Variants in TSPAN1 observed in about 807,000 individuals in gnomAD.
TSPAN1 encodes the protein tetraspanin-1.
In TSPAN1, 23 loss-of-function variants were observed where a neutral mutation model predicts 26.9. The observed-to-expected ratio is 0.85, with a 90% CI of 0.62 to 1.21. TSPAN1 has a LOEUF of 1.21. Among genes scored for constraint, TSPAN1 ranks in the 50% most tolerant of loss-of-function variants. The pLI, the probability that TSPAN1 is intolerant of heterozygous loss-of-function variation, is 0.00. For missense variants in TSPAN1, 283 were observed against 298.4 expected (o/e 0.95, Z 0.38); for synonymous variants, 115 against 114.8 (o/e 1.00, Z -0.01).
intron 3 of TSPAN1, 147 bp downstream of exon 3, chr1:46,181,311 C>A: frequency 1.3e-6 from 1 of 768,670 alleles, no homozygotes. Context: ...AAGGTCTCCC[C>A]AAATGCTGCT....
chr1:46,192,107 G>C, the TSPAN1 span: 1 of 1,613,902 alleles, frequency 6.2e-7, no homozygotes. Context: ...CGTGAAAGTA[G>C]CCATTCATGT....
the TSPAN1 span, chr1:46,195,397 C>A: frequency 5.3e-6 from 2 of 374,446 alleles, no homozygotes; most frequent in South Asian, 4.4e-5. Context: ...CAGCTTTCTG[C>A]TCACATATCA....
chr1:46,182,457 C>CCCAGCA lies in TSPAN1; in HGVS notation c.57+1295_57+1300dup, dbSNP rs557877214. ...AGGTGCAGTAGCTCACAACTGTAATCCCAGCACTCTGGGAAGCTGAGGCGG... is the reference window on the plus strand; with the variant it reads ...AGGTGCAGTAGCTCACAACTGTAATCCCAGCACCAGCACTCTGGGAAGCTGAGGCGG... On this transcript the variant is annotated intron_variant, in intron 3 of 8. Transcript: ENST00000372003. 5.9e-4 allele frequency among the ~76,000 whole-genome samples: 90 copies of CCCAGCA among 152,028 alleles called. 1 individual carries two copies. In the East Asian group the frequency reaches 0.012, roughly 20 times the overall value.
At chr1:46,190,665 G>C, downstream of TSPAN1, 1 of 1,557,506 alleles carries the variant, frequency 6.4e-7, no homozygotes, top group Non-Finnish European at 8.8e-7. Flanking sequence ...GACTTTCAGG[G>C]ACTGGCCTCC....
chr1:46,186,606 C>T (rs530190356), downstream of TSPAN1, among the ~76,000 whole-genome samples: 5 of 149,396 alleles, frequency 3.3e-5, no homozygotes, highest in African/African-American at 9.9e-5. Flanking sequence ...TCTCCTGCCT[C>T]AGCCTCCTGA....
At chr1:46,191,949 T>G in the TSPAN1 span, 1 of 1,308,724 alleles carries the variant, frequency 7.6e-7, no homozygotes, top group South Asian at 1.3e-5. Context: ...TCCTCATTTT[T>G]CAGATAAAGA....
At chr1:46,186,664 GTTTTTT>G (rs759573351), downstream of TSPAN1, among the ~76,000 whole-genome samples, 1 of 71,830 alleles carries the variant, frequency 1.4e-5, no homozygotes, top group Non-Finnish European at 2.6e-5. Context: ...TAATTTTTGT[GTTTTTT>G]TTTTTTTTTT....
downstream of TSPAN1, among the ~76,000 whole-genome samples, chr1:46,186,649 C>T (rs367550411): frequency 5.0e-4 from 74 of 148,334 alleles, no homozygotes; most frequent in East Asian, 5.4e-3. Context: ...GCCACCATGC[C>T]CGGCTAATTT....
At position 46,181,111 on chromosome 1, in the gene TSPAN1, C is replaced by T. The variant is rs1348641527; in HGVS notation, c.4C>T (p.Gln2Ter). The change falls in exon 3 of 9, where the codon CAG becomes TAG. Residue 2 changes from glutamine (Q) to a stop codon, truncating the protein, a stop_gained. Coordinates refer to ENST00000372003, the MANE Select transcript of TSPAN1 (RefSeq NM_005727.4). LOFTEE classifies it high-confidence loss of function. The part of the protein sequence containing the change: M[Q>*]CFSFIKTMMI... ...TGTCTACCTCCCAGGAGCCACCATG[C>T]AGTGCTTCAGCTTCATTAAGACCAT... 3 of 1,613,884 alleles carry T rather than the reference C, an allele frequency of 1.9e-6. No homozygotes were observed. Among genetic ancestry groups the T allele is most frequent in the East Asian group, 2.2e-5 (1 of 44,882 alleles).
Position 46,181,164 on chromosome 1 carries a change from T to C in TSPAN1, c.57T>C (p.Phe19=). ...TMMILFNLLI[F]LCGAALLAVG... ...TGATCCTCTTCAATTTGCTCATCTT[T>C]GTAAGTACGGACATTGTGGACTCTT... Residue 19 remains phenylalanine (F), a splice_region_variant and synonymous_variant, in exon 3 of 9, where the codon TTT becomes TTC. Transcript: ENST00000372003. 6.2e-7 allele frequency: 1 copy of C among 1,613,184 alleles called. No individual in the cohort carries two copies. The highest frequency in any genetic ancestry group is 8.5e-7 in the Non-Finnish European group (1 of 1,179,558).
Position 46,184,398 on chromosome 1 carries a change from G to C in TSPAN1, c.264+1G>C. ...TGAGAGCAAGTGTGCCCTCGTGACG[G>C]TGTGTGAAACCCAGCTCCACAGGCT... is the stretch of plus-strand genomic sequence containing the variant. On this transcript the variant is annotated splice_donor_variant, in intron 4 of 8. Coordinates refer to ENST00000372003, the MANE Select transcript of TSPAN1 (RefSeq NM_005727.4). LOFTEE classifies it high-confidence loss of function. The C allele has an allele frequency of 1.2e-6, 2 of 1,614,052 alleles. No homozygotes were observed. Among genetic ancestry groups the C allele is most frequent in the East Asian group, 4.5e-5 (2 of 44,874 alleles).
chr1:46,189,814 G>C (rs190156535), downstream of TSPAN1: 926 of 1,612,466 alleles, frequency 5.7e-4, 6 homozygotes, highest in African/African-American at 0.011. Context: ...ATGTGTGTGA[G>C]GGGGAGGGGT....
At chr1:46,195,093 ACT>A in the TSPAN1 span, 1 of 797,912 alleles carries the variant, frequency 1.3e-6, no homozygotes, top group Non-Finnish European at 2.2e-6. Context: ...CTCTATGGTT[ACT>A]CTCTTTCACA....
chr1:46,196,175 C>G, the TSPAN1 span: 6 of 1,588,768 alleles, frequency 3.8e-6, no homozygotes, highest in Non-Finnish European at 5.1e-6. This position sits in a 1 kb window ranked among gnomAD's most constrained non-coding sequence, Gnocchi z 4.4. Context: ...GAAACATCAC[C>G]TCCTGCCTAT....
the TSPAN1 span, chr1:46,194,995 GC>G: frequency 6.2e-7 from 1 of 1,603,914 alleles, no homozygotes; most frequent in African/African-American, 1.3e-5. Context: ...AGCCTGACTG[GC>G]ATGGTTCCAG....
At chr1:46,176,160 C>T (rs1157709971) in intron 1 of TSPAN1, 7 of 1,517,926 alleles carry the variant, frequency 4.6e-6, no homozygotes, top group East Asian at 2.5e-5. Flanking sequence ...CAGGCATGAG[C>T]CACCGCACCC....
intron 3 of TSPAN1, 33 bp from the exon 4 acceptor site, chr1:46,184,158 T>C: frequency 6.2e-7 from 1 of 1,612,500 alleles, no homozygotes; most frequent in Middle Eastern, 1.7e-4. Flanking sequence ...TTGCCAGCAC[T>C]GTTTAAGGCC....
At chr1:46,195,088 T>C in the TSPAN1 span, 2 of 826,194 alleles carry the variant, frequency 2.4e-6, no homozygotes, top group African/African-American at 1.7e-5. Context: ...TAACCCTCTA[T>C]GGTTACTCTC....
chr1:46,188,211 C>T (rs1438670299), downstream of TSPAN1, among the ~76,000 whole-genome samples: 1 of 152,180 alleles, frequency 6.6e-6, no homozygotes, highest in African/African-American at 2.4e-5. Flanking sequence ...GGGCCATAGA[C>T]ACCCTTGCTC....
Sources: allele counts gnomAD v4.1 joint callset (sites outside exome capture counted in the v4.1 genomes callset), GRCh38; gene constraint gnomAD v4.1.1; non-coding constraint Gnocchi (gnomAD v3.1); transcripts MANE v1.5; gene names NCBI Gene and HGNC (gene_info 2026-07-23, HGNC 2026-07-21).